ANAPC7: variants seen among roughly 807,000 people sequenced by gnomAD.
ANAPC7 encodes anaphase-promoting complex subunit 7.
ANAPC7 carries 25 observed loss-of-function variants against 63.3 expected under a neutral mutation model. The ratio of observed to expected loss-of-function variants is 0.39; its 90% CI spans 0.29 to 0.55. The LOEUF is 0.55. Among genes scored for constraint, ANAPC7 ranks in the 20% least tolerant of loss-of-function variants. The pLI is 0.57. For synonymous variants in ANAPC7, 241 were observed against 251.7 expected, an observed-to-expected ratio of 0.96 and a Z score of 0.40; for missense variants, 516 against 691.7, an observed-to-expected ratio of 0.75 and a Z score of 2.85.
chr12:110,380,650 CAAA>C (rs34812107), intron 8 of ANAPC7, among the ~76,000 whole-genome samples: 2 of 57,026 alleles, frequency 3.5e-5, no homozygotes, highest in African/African-American at 1.3e-4. Flanking sequence ...GACTCTGTCT[CAAA>C]AAAAAAAAAA....
chr12:110,391,171 CAG>C (rs905305792), intron 3 of ANAPC7, among the ~76,000 whole-genome samples: 2 of 152,074 alleles, frequency 1.3e-5, no homozygotes, highest in Admixed American at 1.3e-4. Context: ...GCCTGGGCAA[CAG>C]AGAGAGACTC....
chr12:110,382,765 A>C, intron 7 of ANAPC7, 78 bp downstream of exon 7: 6 of 1,260,718 alleles, frequency 4.8e-6, no homozygotes, highest in Non-Finnish European at 6.7e-6. Flanking sequence ...TGTGCTTTCA[A>C]TTTATATTCT....
intron 1 of ANAPC7, among the ~76,000 whole-genome samples, chr12:110,396,905 T>C (rs1001849185): frequency 1.6e-4 from 24 of 151,556 alleles, no homozygotes; most frequent in African/African-American, 5.6e-4. Context: ...GAATCCTTTT[T>C]AAAAACAGGC....
chr12:110,403,192 G>A (rs1167910431), intron 1 of ANAPC7, among the ~76,000 whole-genome samples: 1 of 152,210 alleles, frequency 6.6e-6, no homozygotes, highest in Non-Finnish European at 1.5e-5. Context: ...TCTGGAAGGA[G>A]CCGAGAGGGA....
chr12:110,403,236 C>A (rs1034088813), intron 1 of ANAPC7, among the ~76,000 whole-genome samples: 1 of 152,202 alleles, frequency 6.6e-6, no homozygotes, highest in Non-Finnish European at 1.5e-5. Flanking sequence ...AGTCGCGCTG[C>A]CCCGCGACAG....
chr12:110,389,441 G>A (rs1419131889), intron 3 of ANAPC7, among the ~76,000 whole-genome samples: 2 of 152,118 alleles, frequency 1.3e-5, no homozygotes, highest in Non-Finnish European at 2.9e-5. Flanking sequence ...TTCGACTTGT[G>A]GCTAGACTCT....
intron 7 of ANAPC7, among the ~76,000 whole-genome samples, chr12:110,382,478 ATATATATATATATATATT>A: frequency 7.7e-6 from 1 of 130,220 alleles, no homozygotes; most frequent in African/African-American, 2.9e-5. Context: ...ATATATATAT[ATATATATATATATATATT>A]TATAGAGACA....
rs1399451580 is a variant in ANAPC7, at chr12:110,381,736, A to G, written c.1132+16T>C. 4.4e-6 allele frequency: 7 copies of G among 1,576,378 alleles called. No individual in the cohort carries two copies. The highest frequency in any genetic ancestry group is 6.1e-6 in the Non-Finnish European group (7 of 1,151,030). On this transcript the variant is annotated intron_variant, in intron 8 of 10. Transcript: ENST00000455511. ...ACCCACGGATTCACACCATTCACCT[A>G]TGTTTTCTTTCTTACCTTCATAACA...
chr12:110,379,468 C>A (rs1338346741), intron 8 of ANAPC7, among the ~76,000 whole-genome samples: 1 of 152,186 alleles, frequency 6.6e-6, no homozygotes, highest in East Asian at 1.9e-4. Context: ...CAACCGCATC[C>A]CTGAGCTCTG....
intron 9 of ANAPC7, among the ~76,000 whole-genome samples, chr12:110,376,446 G>A (rs1881273158): frequency 6.6e-6 from 1 of 151,342 alleles, no homozygotes; most frequent in South Asian, 2.1e-4. Flanking sequence ...GCAGGTGCCT[G>A]TAGTCCCAGC....
chr12:110,403,469 G>A (rs2062263026), intron 1 of ANAPC7, 58 bp downstream of exon 1: 11 of 1,530,018 alleles, frequency 7.2e-6, no homozygotes, highest in Non-Finnish European at 9.7e-6. Context: ...CTGAGCCCCC[G>A]CTCCCAGACC....
intron 3 of ANAPC7, among the ~76,000 whole-genome samples, chr12:110,390,946 C>T (rs1318374510): frequency 6.6e-6 from 1 of 152,186 alleles, no homozygotes; most frequent in Non-Finnish European, 1.5e-5. Flanking sequence ...AATCCTAGCA[C>T]TTTGGGAGGC....
At chr12:110,384,827 CA>C (rs940502398) in intron 6 of ANAPC7, among the ~76,000 whole-genome samples, 9 of 152,020 alleles carry the variant, frequency 5.9e-5, no homozygotes, top group African/African-American at 2.2e-4. Flanking sequence ...AGAAAAGGCC[CA>C]AAAAAGGCAT....
rs1000458883 is a variant in ANAPC7 at position 110,373,324 on chromosome 12, C to T, written c.*820G>A. 2 of 152,168 alleles carry T rather than the reference C, an allele frequency of 1.3e-5. No individual in the cohort carries two copies. The highest frequency in any genetic ancestry group is 2.4e-5 in the African/African-American group (1 of 41,428). 9.4% of individuals were successfully genotyped at this position (152,168 alleles called of 1,614,324 possible). The stretch of plus-strand genomic sequence containing the variant: ...CAAACAGATGAACCAGCTCAGGGTT[C>T]CTGAGCTTTCCAACCCTCCTGGCTC... On this transcript the variant is annotated 3_prime_UTR_variant, in exon 11 of 11. Transcript: ENST00000455511.
At chr12:110,391,645 G>A (rs757389587) in intron 3 of ANAPC7, among the ~76,000 whole-genome samples, 7 of 152,090 alleles carry the variant, frequency 4.6e-5, no homozygotes, top group Non-Finnish European at 7.3e-5. Context: ...AAGAATGATG[G>A]CAATGAAAAT....
At chr12:110,386,171 CAT>C (rs1337796214) in intron 6 of ANAPC7, among the ~76,000 whole-genome samples, 154 bp downstream of exon 6, 2 of 152,142 alleles carry the variant, frequency 1.3e-5, no homozygotes, top group Non-Finnish European at 2.9e-5. Context: ...GCGTTAGAGA[CAT>C]GTGTCATGAC....
chr12:110,384,457 C>G (rs527881116), intron 6 of ANAPC7, among the ~76,000 whole-genome samples: 1 of 151,896 alleles, frequency 6.6e-6, no homozygotes, highest in South Asian at 2.1e-4. Flanking sequence ...ATAATCCCAG[C>G]ACTTTGGGAG....
rs540170396 is a variant in ANAPC7 at position 110,376,753 on chromosome 12, A to G, written c.1358-537T>C. 3.3e-5 allele frequency among the ~76,000 whole-genome samples: 5 copies of G among 151,192 alleles called. No homozygotes were observed. In the East Asian group the frequency reaches 9.7e-4, roughly 29 times the overall value. The stretch of plus-strand genomic sequence containing the variant: ...AACGGGAAGTCATAAAATCATCCAG[A>G]TAGCTCCACTCAAAATGGCTAAAAT... On this transcript the variant is annotated intron_variant, in intron 9 of 10. Coordinates refer to ENST00000455511, the MANE Select transcript of ANAPC7 (RefSeq NM_016238.3).
chr12:110,398,107 G>T (rs941888673), intron 1 of ANAPC7, among the ~76,000 whole-genome samples: 3 of 151,974 alleles, frequency 2.0e-5, no homozygotes, highest in African/African-American at 7.3e-5. Flanking sequence ...TTAGCCAGGT[G>T]CGGTGGCGAG....
Sources: gnomAD v4.1 joint callset for allele counts (sites outside exome capture counted in the v4.1 genomes callset) on GRCh38, gnomAD v4.1.1 for gene constraint, MANE v1.5 for transcripts, NCBI Gene and HGNC (gene_info 2026-07-23, HGNC 2026-07-21) for gene names.